ZFYVE28: variants seen among roughly 807,000 people sequenced by gnomAD.
The protein encoded by ZFYVE28 is zinc finger FYVE-type containing 28, also known as lateral signaling target protein 2 homolog.
In ZFYVE28, 40 loss-of-function variants were observed where a neutral mutation model predicts 82.1. The observed-to-expected ratio is 0.49, with a 90% confidence interval of 0.38 to 0.63. The LOEUF is 0.63. ZFYVE28 is among the 30% of genes least tolerant of loss of function. ZFYVE28 has a pLI of 0.00. For missense variants in ZFYVE28, 1,321 were observed against 1,242.1 expected (o/e 1.06, Z -0.96); for synonymous variants, 612 against 546.1 (o/e 1.12, Z -1.68).
intron 8 of ZFYVE28, among the ~76,000 whole-genome samples, chr4:2,276,811 G>A (rs1342234914): frequency 2.0e-5 from 3 of 152,048 alleles, no homozygotes; most frequent in African/African-American, 4.8e-5. Flanking sequence ...GGCAGAGGGC[G>A]GGGAGTCGGG....
rs538690731 is a variant in ZFYVE28, at chr4:2,393,796, T to C, written c.39+24489A>G. On this transcript the variant is annotated intron_variant, in intron 1 of 12. Transcript: ENST00000290974. ...GATTGGGGGACGGACTTCCGGGCTT[T>C]ACTGTTGTGAGCAAAGCTGGCTGTG... Among the ~76,000 whole-genome samples, 37 of 152,324 alleles carry C rather than the reference T, an allele frequency of 2.4e-4. 1 individual carries two copies. In the South Asian group the frequency reaches 3.3e-3, roughly 14 times the overall value.
In ZFYVE28 at chr4:2,304,307, T is replaced by C; in HGVS notation, c.2033A>G (p.Gln678Arg). 1 of 1,591,974 alleles carries C rather than the reference T, an allele frequency of 6.3e-7. No individual in the cohort carries two copies. The highest frequency in any genetic ancestry group is 8.5e-7 in the Non-Finnish European group (1 of 1,174,522). ...AGSPSAHEAP[Q>R]ALSGSSSSTA... ...CTCTTACCTGGAGCCCGACAGGGCC[T>C]GAGGCGCCTCGTGAGCCGAGGGGCT... is the stretch of plus-strand genomic sequence containing the variant. Residue 678 changes from glutamine (Q) to arginine (R), a missense_variant, in exon 8 of 13, where the codon CAG (glutamine) becomes CGG (arginine). Gln to Arg is a conservative substitution (Grantham distance 43, BLOSUM62 1). Transcript: ENST00000290974.
At chr4:2,370,719 C>T (rs973606642) in intron 1 of ZFYVE28, among the ~76,000 whole-genome samples, 7 of 152,202 alleles carry the variant, frequency 4.6e-5, no homozygotes, top group African/African-American at 1.7e-4. Flanking sequence ...CTCTCGGCTC[C>T]CCGGACGTGG....
chr4:2,372,706 A>C lies in ZFYVE28; in HGVS notation c.40-18633T>G, dbSNP rs1266506729. On this transcript the variant is annotated intron_variant, in intron 1 of 12. Transcript: ENST00000290974. This position sits in a 1 kb window ranked among gnomAD's most constrained non-coding sequence, Gnocchi z 5.2. ...TCCCTCCGCAGAGGCAGGGGCAGGC[A>C]CTCCAGGGCTTCGCTGATTGTGTCA... is the stretch of plus-strand genomic sequence containing the variant. 1.3e-5 allele frequency among the ~76,000 whole-genome samples: 2 copies of C among 151,900 alleles called. No individual in the cohort carries two copies. The highest frequency in any genetic ancestry group is 2.9e-5 in the Non-Finnish European group (2 of 67,954).
rs1159399390 is a variant in ZFYVE28, at chr4:2,304,544, A to G, written c.1796T>C (p.Leu599Ser). 1.9e-6 allele frequency: 3 copies of G among 1,612,710 alleles called. No individual in the cohort carries two copies. The highest frequency in any genetic ancestry group is 1.1e-5 in the South Asian group (1 of 91,068). The change falls in exon 8 of 13, where the codon TTA (leucine) becomes TCA (serine). Residue 599 changes from leucine to serine, a missense_variant. Around this residue, in one of 2 missense-constraint regions of ZFYVE28, gnomAD observed 978 missense variants for 833.7 expected, o/e 1.17. Coordinates refer to ENST00000290974, the MANE Select transcript of ZFYVE28 (RefSeq NM_020972.3). ...AGGGGCCCTGTCGCTGGCCTTGGCT[A>G]AGCCGGCAGCGTACGAGGCACCAAT... ...GVIGASYAAG[L>S]AKASDRAPER...
At chr4:2,360,746 C>T (rs1303715120) in intron 1 of ZFYVE28, among the ~76,000 whole-genome samples, 1 of 152,194 alleles carries the variant, frequency 6.6e-6, no homozygotes, top group Non-Finnish European at 1.5e-5. Context: ...TCTAAGTATG[C>T]AGAGTATAAA....
At chr4:2,315,154 G>T (rs747423095) in intron 7 of ZFYVE28, among the ~76,000 whole-genome samples, 2 of 152,072 alleles carry the variant, frequency 1.3e-5, no homozygotes, top group Non-Finnish European at 2.9e-5. Flanking sequence ...TGTGCAGGTT[G>T]CTGATAACAA....
intron 8 of ZFYVE28, among the ~76,000 whole-genome samples, chr4:2,283,577 C>T (rs548350989): frequency 7.5e-5 from 11 of 147,146 alleles, no homozygotes; most frequent in African/African-American, 2.1e-4. Flanking sequence ...CGTCCATCCA[C>T]CCATCCATCC....
chr4:2,396,113 G>A (rs1401310774), intron 1 of ZFYVE28, among the ~76,000 whole-genome samples: 1 of 133,004 alleles, frequency 7.5e-6, no homozygotes, highest in Non-Finnish European at 1.7e-5. Flanking sequence ...CCATCCTGCA[G>A]AGGGGCCACA....
At chr4:2,336,161 C>A (rs568176187) in intron 5 of ZFYVE28, among the ~76,000 whole-genome samples, 2 of 152,180 alleles carry the variant, frequency 1.3e-5, no homozygotes, top group African/African-American at 2.4e-5. Context: ...GAAACAACTC[C>A]GGTGTCAAGA....
chr4:2,398,037 G>GA (rs1223648915), intron 1 of ZFYVE28, among the ~76,000 whole-genome samples: 1 of 4,346 alleles, frequency 2.3e-4, no homozygotes, highest in African/African-American at 9.4e-4. Flanking sequence ...TGAGATGGGA[G>GA]GGGGGGTCCT....
At position 2,339,482 on chromosome 4, in the gene ZFYVE28, G is replaced by A. The variant is rs760074037; in HGVS notation, c.492C>T (p.Phe164=). The A allele has an allele frequency of 8.7e-6, 14 of 1,613,814 alleles. No homozygotes were observed. Among genetic ancestry groups the A allele is most frequent in the Non-Finnish European group, 1.1e-5 (13 of 1,179,996 alleles). ...TEKMREALRH[F]DVLFAEFELS... ...GCTCAAACTCTGCGAACAGGACGTCGAAGTGCCTCAGCGCTTCCCTCATCT... is the reference window on the plus strand; with the variant it reads ...GCTCAAACTCTGCGAACAGGACGTCAAAGTGCCTCAGCGCTTCCCTCATCT... Residue 164 remains phenylalanine (F), a synonymous_variant, in exon 4 of 13, where the codon TTC becomes TTT. Transcript: ENST00000290974. The surrounding 1 kb of genome is among the most constrained non-coding windows in gnomAD (Gnocchi z 5.0).
chr4:2,351,641 G>A (rs1320265611), intron 2 of ZFYVE28, among the ~76,000 whole-genome samples: 1 of 152,172 alleles, frequency 6.6e-6, no homozygotes, highest in East Asian at 1.9e-4. Flanking sequence ...TTGAACCTGG[G>A]AGGTGGAGGT....
At chr4:2,388,691 T>C (rs1729522066) in intron 1 of ZFYVE28, among the ~76,000 whole-genome samples, 1 of 152,172 alleles carries the variant, frequency 6.6e-6, no homozygotes, top group African/African-American at 2.4e-5. Flanking sequence ...CGATGTTCAC[T>C]GCATTTACGT....
chr4:2,407,218 G>A (rs1029691409), intron 1 of ZFYVE28, among the ~76,000 whole-genome samples: 2 of 152,164 alleles, frequency 1.3e-5, no homozygotes, highest in Non-Finnish European at 1.5e-5. Context: ...ATTTGGGGGC[G>A]GTTACTTTTT....
At chr4:2,340,720 G>C (rs1241159730) in intron 3 of ZFYVE28, among the ~76,000 whole-genome samples, 1 of 152,066 alleles carries the variant, frequency 6.6e-6, no homozygotes, top group South Asian at 2.1e-4. Context: ...GGGGAGGAGG[G>C]AGAACCTGCC....
intron 1 of ZFYVE28, among the ~76,000 whole-genome samples, chr4:2,369,683 T>C (rs1180987666): frequency 6.6e-6 from 1 of 151,554 alleles, no homozygotes; most frequent in African/African-American, 2.4e-5. Context: ...GAGATCGGTG[T>C]GACGGGCCTG....
intron 5 of ZFYVE28, among the ~76,000 whole-genome samples, chr4:2,336,947 AG>A (rs1721878750): frequency 1.5e-5 from 2 of 137,044 alleles, no homozygotes; most frequent in Non-Finnish European, 3.2e-5. Flanking sequence ...GTGAGGAGTG[AG>A]GGGGTGAGGA....
At chr4:2,315,763 G>C (rs1455648531) in intron 7 of ZFYVE28, among the ~76,000 whole-genome samples, 1 of 152,062 alleles carries the variant, frequency 6.6e-6, no homozygotes, top group Admixed American at 6.5e-5. Flanking sequence ...TATGCTGGTT[G>C]GTTTTTTGTT....
Sources: allele counts gnomAD v4.1 joint callset (sites outside exome capture counted in the v4.1 genomes callset), GRCh38; gene constraint gnomAD v4.1.1; regional missense constraint gnomAD v4.1.1; non-coding constraint Gnocchi (gnomAD v3.1); transcripts MANE v1.5; gene names NCBI Gene and HGNC (gene_info 2026-07-23, HGNC 2026-07-21).